FAM114A1: variants seen among roughly 807,000 people sequenced by gnomAD.
The protein encoded by FAM114A1 is protein NOXP20.
Under a neutral mutation model 64.3 loss-of-function variants are expected in FAM114A1, and 62 were observed. The observed-to-expected ratio is 0.96, with a 90% CI of 0.79 to 1.19. The LOEUF is 1.19. FAM114A1 is among the 50% of genes most tolerant of loss of function. FAM114A1 has a pLI of 0.00. For missense variants in FAM114A1, 645 were observed against 676.3 expected (o/e 0.95, Z 0.51); for synonymous variants, 254 against 251.1 (o/e 1.01, Z -0.11).
chr4:38,919,876 C>G (rs374108883), intron 8 of FAM114A1, among the ~76,000 whole-genome samples: 32 of 152,252 alleles, frequency 2.1e-4, no homozygotes, highest in East Asian at 1.5e-3. Context: ...AGGATGGCAA[C>G]AGGCATGGCG....
intron 13 of FAM114A1, among the ~76,000 whole-genome samples, chr4:38,939,196 A>C (rs1457614973): frequency 6.6e-6 from 1 of 152,030 alleles, no homozygotes; most frequent in Non-Finnish European, 1.5e-5. Context: ...ACACACATAC[A>C]CATACAAGTG....
At chr4:38,937,329 T>C (rs1481544480) in intron 13 of FAM114A1, among the ~76,000 whole-genome samples, 1 of 152,210 alleles carries the variant, frequency 6.6e-6, no homozygotes, top group African/African-American at 2.4e-5. Flanking sequence ...TTCCAGCTTC[T>C]GGTAGCCCCA....
intron 3 of FAM114A1, among the ~76,000 whole-genome samples, chr4:38,882,241 A>G (rs1330222259): frequency 7.8e-5 from 10 of 128,572 alleles, no homozygotes; most frequent in African/African-American, 9.1e-5. Context: ...GAACCCGGGA[A>G]GCGGAGCTTG....
Position 38,943,656 on chromosome 4 carries a change from C to G in FAM114A1, c.*99C>G, listed in dbSNP as rs1721753874. On this transcript the variant is annotated 3_prime_UTR_variant, in exon 15 of 15. Transcript: ENST00000358869. ...TCTCTGTGCGCCTGGCCACAGACAT[C>G]CATTTGAGGACACTACAAGCAATTT... 1 of 995,612 alleles carries G rather than the reference C, an allele frequency of 1.0e-6. No individual in the cohort carries two copies. Among genetic ancestry groups the G allele is most frequent in the Non-Finnish European group, 1.6e-6 (1 of 639,736 alleles). 61.7% of individuals were successfully genotyped at this position (995,612 alleles called of 1,614,324 possible). A position where few individuals can be genotyped will look rare whatever the true frequency, so the allele number is the denominator to read the frequency against.
chr4:38,911,861 CTTTTTTTTTTT>C (rs375816760), intron 7 of FAM114A1, among the ~76,000 whole-genome samples: 1 of 54,040 alleles, frequency 1.9e-5, no homozygotes, highest in Admixed American at 2.2e-4. Flanking sequence ...TTTCTTTTTT[CTTTTTTTTTTT>C]TTTTTTGAGA....
At chr4:38,876,193 A>T in intron 2 of FAM114A1, among the ~76,000 whole-genome samples, 1 of 116,666 alleles carries the variant, frequency 8.6e-6, no homozygotes, top group East Asian at 2.3e-4. Context: ...TTTTTTTGAG[A>T]CGGTCTCGCT....
chr4:38,869,915 A>G (rs1190362887), intron 2 of FAM114A1, among the ~76,000 whole-genome samples: 1 of 152,204 alleles, frequency 6.6e-6, no homozygotes, highest in Non-Finnish European at 1.5e-5. Flanking sequence ...TACATTTAAT[A>G]AATTTAGATT....
chr4:38,892,219 A>G (rs1242310281), intron 4 of FAM114A1, among the ~76,000 whole-genome samples: 1 of 152,210 alleles, frequency 6.6e-6, no homozygotes, highest in Non-Finnish European at 1.5e-5. Flanking sequence ...TTTAGTGCAC[A>G]ACGCATCTAC....
intron 13 of FAM114A1, among the ~76,000 whole-genome samples, chr4:38,936,126 T>C (rs1278606031): frequency 6.6e-6 from 1 of 151,662 alleles, no homozygotes; most frequent in African/African-American, 2.4e-5. Flanking sequence ...GGAGTTTTGC[T>C]CTGGTGCCCA....
chr4:38,905,553 A>T lies in FAM114A1; in HGVS notation c.468A>T (p.Ala156=). The T allele has an allele frequency of 6.2e-7, 1 of 1,614,200 alleles. No homozygotes were observed. The highest frequency in any genetic ancestry group is 2.2e-5 in the East Asian group (1 of 44,892). Reference sequence around the variant, plus strand: ...GATTGACGGCAGTCAAGGAAAAAGCAGGAGCCACTCTACGGATTCATGGTG... The same window carrying T: ...GATTGACGGCAGTCAAGGAAAAAGCTGGAGCCACTCTACGGATTCATGGTG... ...GHGLTAVKEK[A]GATLRIHGVN... The change falls in exon 5 of 15, where the codon GCA becomes GCT. Residue 156 remains alanine (A), a synonymous_variant. Coordinates refer to ENST00000358869, the MANE Select transcript of FAM114A1 (RefSeq NM_138389.4).
chr4:38,912,760 T>C (rs577358453), intron 7 of FAM114A1, among the ~76,000 whole-genome samples: 24 of 152,190 alleles, frequency 1.6e-4, no homozygotes, highest in Non-Finnish European at 3.2e-4. Flanking sequence ...CCTTCTTTTT[T>C]CTCTCCCGAA....
chr4:38,911,969 C>A (rs1718595116), intron 7 of FAM114A1, among the ~76,000 whole-genome samples: 1 of 149,768 alleles, frequency 6.7e-6, no homozygotes, highest in South Asian at 2.1e-4. Flanking sequence ...TCAAGCAATT[C>A]CCCTGCCTCA....
At chr4:38,923,872 G>A (rs894547369) in intron 9 of FAM114A1, among the ~76,000 whole-genome samples, 2 of 152,148 alleles carry the variant, frequency 1.3e-5, no homozygotes, top group Non-Finnish European at 2.9e-5. Flanking sequence ...CTCTGGGTTG[G>A]GCATGGTTAA....
Position 38,945,143 on chromosome 4 carries a change from T to C in FAM114A1, c.*1586T>C, listed in dbSNP as rs1224938275. ...GGCATAATTACAAAGCTTGGAAGTA[T>C]TCAAATAGAAAATCAAAGGTGTTTC... On this transcript the variant is annotated 3_prime_UTR_variant, in exon 15 of 15. Transcript: ENST00000358869. 1 of 152,190 alleles carries C rather than the reference T, an allele frequency of 6.6e-6. No individual in the cohort carries two copies. Among genetic ancestry groups the C allele is most frequent in the East Asian group, 1.9e-4 (1 of 5,202 alleles). The allele number at this position is 152,190 out of a possible 1,614,324, so 9.4% of individuals were successfully genotyped here. A position where few individuals can be genotyped will look rare whatever the true frequency, so the allele number is the denominator to read the frequency against.
At position 38,932,306 on chromosome 4, in the gene FAM114A1, A is replaced by C; in HGVS notation, c.1395A>C (p.Val465=). ...GCTGTATTGAGCAGCTTCATAAAGT[A>C]GCAGAATTAATTCTTCATGGACAAG... ...TARCIEQLHK[V]AELILHGQEE... Residue 465 remains valine (V), a synonymous_variant, in exon 12 of 15, where the codon GTA becomes GTC. Transcript: ENST00000358869. 1 of 1,613,864 alleles carries C rather than the reference A, an allele frequency of 6.2e-7. No individual in the cohort carries two copies. The highest frequency in any genetic ancestry group is 8.5e-7 in the Non-Finnish European group (1 of 1,179,954).
intron 3 of FAM114A1, among the ~76,000 whole-genome samples, chr4:38,889,824 T>C (rs948144688): frequency 6.6e-6 from 1 of 152,180 alleles, no homozygotes; most frequent in African/African-American, 2.4e-5. Context: ...TGATTTTTTT[T>C]CTCTCACTTA....
intron 2 of FAM114A1, among the ~76,000 whole-genome samples, chr4:38,870,280 C>A (rs976489511): frequency 1.3e-5 from 2 of 152,230 alleles, no homozygotes; most frequent in African/African-American, 2.4e-5. Flanking sequence ...CTCATCCCAC[C>A]AGGCCTGAAT....
chr4:38,933,970 C>T (rs533957922), intron 12 of FAM114A1, among the ~76,000 whole-genome samples: 2 of 152,220 alleles, frequency 1.3e-5, no homozygotes, highest in East Asian at 1.9e-4. Context: ...TGTAAAGATC[C>T]GTCATCTAGT....
At position 38,943,582 on chromosome 4, in the gene FAM114A1, A is replaced by G. The variant is rs1441757675; in HGVS notation, c.*25A>G. ...ACCTGGCCAGACTCCATCTAGTTAA[A>G]GGAGACAGCTGGCCGCCTTGCCTCA... On this transcript the variant is annotated 3_prime_UTR_variant, in exon 15 of 15. Transcript: ENST00000358869. 1 of 1,605,528 alleles carries G rather than the reference A, an allele frequency of 6.2e-7. No individual in the cohort carries two copies. Among genetic ancestry groups the G allele is most frequent in the Middle Eastern group, 1.8e-4 (1 of 5,646 alleles).
Sources: allele counts gnomAD v4.1 joint callset (sites outside exome capture counted in the v4.1 genomes callset), GRCh38; gene constraint gnomAD v4.1.1; transcripts MANE v1.5; gene names NCBI Gene and HGNC (gene_info 2026-07-23, HGNC 2026-07-21).